Variants in MIA2 observed in about 807,000 individuals in gnomAD.
MIA2 encodes the protein melanoma inhibitory activity protein 2.
A neutral mutation model predicts 167.8 loss-of-function variants in MIA2; 127 were observed. The ratio of observed to expected loss-of-function variants is 0.76; its 90% CI spans 0.66 to 0.88. The LOEUF (loss-of-function observed/expected upper bound fraction) is 0.88, where lower values mean the gene tolerates loss of function less well. Among genes scored for constraint, MIA2 ranks in the 40% least tolerant of loss-of-function variants. The pLI is 0.00. For synonymous variants in MIA2, 552 were observed against 541.9 expected (o/e 1.02, Z -0.26); for missense variants, 1,690 against 1,624.7 (o/e 1.04, Z -0.69).
chr14:39,258,817 T>C (rs975501410), intron 6 of MIA2, among the ~76,000 whole-genome samples: 9 of 152,206 alleles, frequency 5.9e-5, no homozygotes, highest in East Asian at 1.9e-4. Flanking sequence ...GTTTGTTAGT[T>C]TTCCTTCTAA....
In MIA2 at chr14:39,298,183, A is replaced by G. The variant is rs113343562; in HGVS notation, c.2497-1681A>G. On this transcript the variant is annotated intron_variant, in intron 13 of 28. Transcript: ENST00000640607. ...CCTTGGAAAATATTTCACCTAGATC[A>G]GTCTTACTCTTTACAACTGTTTTCA... 4.2e-3 allele frequency among the ~76,000 whole-genome samples: 643 copies of G among 152,094 alleles called. 5 individuals are homozygous for G. The highest frequency in any genetic ancestry group is 0.014 in the African/African-American group (588 of 41,496).
At chr14:39,312,049 C>T (rs960101077) in intron 18 of MIA2, among the ~76,000 whole-genome samples, 8 of 151,724 alleles carry the variant, frequency 5.3e-5, no homozygotes, top group East Asian at 3.9e-4. Flanking sequence ...AGGCTGGTCT[C>T]GAACTCCTGA....
At chr14:39,331,139 T>C (rs1182855591) in intron 25 of MIA2, among the ~76,000 whole-genome samples, 2 of 152,208 alleles carry the variant, frequency 1.3e-5, no homozygotes, top group African/African-American at 2.4e-5. Flanking sequence ...ATCTGCATGC[T>C]CATGTATTGG....
At chr14:39,371,585 G>A (rs1449070248) in intron 23 of MIA2, among the ~76,000 whole-genome samples, 1 of 152,202 alleles carries the variant, frequency 6.6e-6, no homozygotes, top group African/African-American at 2.4e-5. Context: ...ATTTTGATAT[G>A]AGTGCTACAA....
At chr14:39,234,367 T>TA (rs2053638127) in intron 1 of MIA2, 138 bp downstream of exon 1, 1 of 509,708 alleles carries the variant, frequency 2.0e-6, no homozygotes, top group South Asian at 4.0e-5. Context: ...CAGCTTGGTA[T>TA]AAAAAAGAAA....
Position 39,315,734 on chromosome 14 carries a change from C to G in MIA2, c.3216+16C>G, listed in dbSNP as rs777546032. On this transcript the variant is annotated intron_variant, in intron 21 of 28. Transcript: ENST00000640607. Reference sequence around the variant, plus strand: ...TGATAATTGGGTAAGTTTAAAATTTCCTTAAGTCTCTTTTGTCAAATTGTA... The same window carrying G: ...TGATAATTGGGTAAGTTTAAAATTTGCTTAAGTCTCTTTTGTCAAATTGTA... 6.6e-7 allele frequency: 1 copy of G among 1,515,352 alleles called. No homozygotes were observed. Among genetic ancestry groups the G allele is most frequent in the Admixed American group, 1.9e-5 (1 of 53,114 alleles). 93.9% of individuals were successfully genotyped at this position (1,515,352 alleles called of 1,614,324 possible). A position where few individuals can be genotyped will look rare whatever the true frequency, so the allele number is the denominator to read the frequency against.
At chr14:39,279,381 A>T in intron 8 of MIA2, 23 bp downstream of exon 8, 2 of 1,606,920 alleles carry the variant, frequency 1.2e-6, no homozygotes, top group Non-Finnish European at 8.5e-7. Flanking sequence ...TTCTGCTTTG[A>T]CTCTCATTGT....
chr14:39,263,981 C>T (rs945562725), intron 6 of MIA2, among the ~76,000 whole-genome samples: 2 of 152,064 alleles, frequency 1.3e-5, no homozygotes, highest in East Asian at 3.9e-4. Flanking sequence ...TCAAGGGGTA[C>T]ATGTACAGGT....
rs542645190 is a variant in MIA2 at position 39,318,992 on chromosome 14, A to G, written c.3285-217A>G. ...AGAAATAAAACAATTGTAAGGCTCC[A>G]CATAACATCACTATCTCTAGGGCAG... On this transcript the variant is annotated intron_variant, in intron 22 of 28. Coordinates refer to ENST00000640607, the MANE Select transcript of MIA2 (RefSeq NM_001329214.4). Among the ~76,000 whole-genome samples, 12 of 152,294 alleles carry G rather than the reference A, an allele frequency of 7.9e-5. No homozygotes were observed. In the South Asian group the frequency reaches 1.2e-3, roughly 16 times the overall value.
Position 39,247,761 on chromosome 14 carries a change from T to C in MIA2, c.1187T>C (p.Met396Thr), listed in dbSNP as rs768478340. ...GCATATGCCAAGGAAGATAAAATTA[T>C]GTTAGATGACAGGAAAAATGAAGAA... ...GFAYAKEDKIMLDDRKNEEDG... is the reference protein window; with the variant it reads ...GFAYAKEDKITLDDRKNEEDG... Residue 396 changes from methionine (M) to threonine (T), a missense_variant, in exon 4 of 29, where the codon ATG becomes ACG. Transcript: ENST00000640607. 2.5e-6 allele frequency: 4 copies of C among 1,613,594 alleles called. No homozygotes were observed. In the African/African-American group the frequency reaches 5.3e-5, roughly 22 times the overall value.
intron 23 of MIA2, chr14:39,386,863 G>T (rs763985691): frequency 1.2e-6 from 1 of 861,066 alleles, no homozygotes; most frequent in East Asian, 2.4e-5. Context: ...TTAACTCTGA[G>T]GCGGTCGTTC....
intron 23 of MIA2, among the ~76,000 whole-genome samples, chr14:39,357,409 A>T (rs2074557563): frequency 6.6e-6 from 1 of 152,038 alleles, no homozygotes; most frequent in South Asian, 2.1e-4. Flanking sequence ...TGCTTGGTAT[A>T]TCTTCCTCCA....
intron 13 of MIA2, among the ~76,000 whole-genome samples, chr14:39,299,305 CTTTTTTTTTTTT>C (rs34424266): frequency 1.1e-5 from 1 of 95,090 alleles, no homozygotes; most frequent in Non-Finnish European, 1.9e-5. Context: ...AATGGTATTT[CTTTTTTTTTTTT>C]TTTTTTTTTG....
intron 9 of MIA2, among the ~76,000 whole-genome samples, chr14:39,285,363 G>A (rs1266437361): frequency 3.3e-5 from 5 of 151,134 alleles, no homozygotes; most frequent in Middle Eastern, 3.2e-3. Context: ...CGGACGGGGC[G>A]GCGGCCGGGC....
intron 23 of MIA2, among the ~76,000 whole-genome samples, chr14:39,320,185 TATACC>T (rs2066175877): frequency 7.2e-6 from 1 of 139,704 alleles, no homozygotes; most frequent in Non-Finnish European, 1.5e-5. Flanking sequence ...GTTTGAATAT[TATACC>T]AGCTACACTC....
rs138635266 is a variant in MIA2, at chr14:39,329,493, A to G, written c.3655+2471A>G. ...TGCCCTGGCCAGAACTTCCAATACT[A>G]TGTTGAATAGGGGTGGTGAGAGAGG... On this transcript the variant is annotated intron_variant, in intron 25 of 28. Transcript: ENST00000640607. Among the ~76,000 whole-genome samples the G allele has an allele frequency of 3.8e-3, 575 of 152,180 alleles. 2 individuals carry two copies. The highest frequency in any genetic ancestry group is 0.013 in the African/African-American group (533 of 41,530).
intron 6 of MIA2, among the ~76,000 whole-genome samples, chr14:39,275,870 G>T (rs184286362): frequency 1.6e-4 from 25 of 152,274 alleles, no homozygotes; most frequent in Admixed American, 1.6e-3. Context: ...GTATAATCAG[G>T]TTTGTTTGGT....
chr14:39,356,829 G>C (rs1035959526), intron 23 of MIA2, among the ~76,000 whole-genome samples: 4 of 152,104 alleles, frequency 2.6e-5, no homozygotes, highest in South Asian at 2.1e-4. Flanking sequence ...CATTCAGGAG[G>C]AGGTTGTTCA....
chr14:39,341,582 G>A (rs914057678), intron 25 of MIA2, among the ~76,000 whole-genome samples: 1 of 152,110 alleles, frequency 6.6e-6, no homozygotes, highest in Non-Finnish European at 1.5e-5. Flanking sequence ...GGTAAGTGGA[G>A]GTGTCCAGTT....
Sources: allele counts gnomAD v4.1 joint callset (sites outside exome capture counted in the v4.1 genomes callset), GRCh38; gene constraint gnomAD v4.1.1; transcripts MANE v1.5; gene names NCBI Gene and HGNC (gene_info 2026-07-23, HGNC 2026-07-21).